Variants in TMEM120B observed in about 807,000 individuals in gnomAD.
TMEM120B encodes the protein transmembrane protein 120B.
Under a neutral mutation model 55.5 loss-of-function variants are expected in TMEM120B, and 31 were observed. The ratio of observed to expected loss-of-function variants is 0.56; its 90% CI spans 0.42 to 0.75. TMEM120B has a LOEUF of 0.75. Ranked by LOEUF, TMEM120B falls within the 30% of genes least tolerant of loss-of-function variation. The pLI, the probability that TMEM120B is intolerant of heterozygous loss-of-function variation, is 0.00. For synonymous variants in TMEM120B, 203 were observed against 176.3 expected (o/e 1.15, Z -1.20); for missense variants, 399 against 425.5 (o/e 0.94, Z 0.55).
rs1166905739 is a variant in TMEM120B at position 121,712,806 on chromosome 12, C to G, written c.-90C>G. ...AACAGCTGGTGCCTCCGAGGGCGGT[C>G]GGCGAGCGCGCGGGCGTGGGGCGCT... On this transcript the variant is annotated 5_prime_UTR_variant, in exon 1 of 12. Transcript: ENST00000449592. 2.0e-6 allele frequency: 2 copies of G among 1,000,094 alleles called. No homozygotes were observed. The highest frequency in any genetic ancestry group is 9.0e-5 in the Admixed American group (2 of 22,250). The allele number at this position is 1,000,094 out of a possible 1,614,324, so 62.0% of individuals were successfully genotyped here.
intron 3 of TMEM120B, among the ~76,000 whole-genome samples, chr12:121,750,133 T>TA (rs2137182411): frequency 6.6e-6 from 1 of 152,140 alleles, no homozygotes; most frequent in Non-Finnish European, 1.5e-5. Context: ...AAGGCAGGCT[T>TA]AGAAATACGG....
Position 121,777,965 on chromosome 12 carries a change from C to G in TMEM120B, c.*2243C>G, listed in dbSNP as rs1038721319. 1 of 152,202 alleles carries G rather than the reference C, an allele frequency of 6.6e-6. No homozygotes were observed. Among genetic ancestry groups the G allele is most frequent in the Non-Finnish European group, 1.5e-5 (1 of 68,068 alleles). The allele number at this position is 152,202 out of a possible 1,614,324, so 9.4% of individuals were successfully genotyped here. On this transcript the variant is annotated 3_prime_UTR_variant, in exon 12 of 12. Transcript: ENST00000449592. ...TCAGAAGGCTCCTTCCTTTGGCAAC[C>G]TGACTTCTTGGAAGCTCAGGTTTAG...
chr12:121,764,660 A>C (rs1415413911), intron 6 of TMEM120B, among the ~76,000 whole-genome samples: 2 of 152,142 alleles, frequency 1.3e-5, no homozygotes, highest in African/African-American at 4.8e-5. Context: ...ACTCAAAAAA[A>C]AAAAAGTGCT....
At chr12:121,745,431 C>T (rs142378553) in intron 2 of TMEM120B, among the ~76,000 whole-genome samples, 10 of 152,276 alleles carry the variant, frequency 6.6e-5, no homozygotes, top group African/African-American at 2.4e-4. Flanking sequence ...CGCTCTGTTG[C>T]CCAGGCTGGG....
chr12:121,775,816 GGA>G lies in TMEM120B; in HGVS notation c.*98_*99del. The G allele has an allele frequency of 7.3e-7, 1 of 1,374,370 alleles. No individual in the cohort carries two copies. Among genetic ancestry groups the G allele is most frequent in the Admixed American group, 1.9e-5 (1 of 52,918 alleles). 85.1% of individuals were successfully genotyped at this position (1,374,370 alleles called of 1,614,324 possible). On this transcript the variant is annotated 3_prime_UTR_variant, in exon 12 of 12. Coordinates refer to ENST00000449592, the MANE Select transcript of TMEM120B (RefSeq NM_001080825.2). The surrounding 1 kb of genome is among the most constrained non-coding windows in gnomAD (Gnocchi z 4.3). ...CCCTCTCAGGCCCGTGGCATCGCTG[GGA>G]GAGGGCCCAGGCCCTGGTCCCCCAG...
chr12:121,740,075 G>A (rs1043855406), intron 1 of TMEM120B, among the ~76,000 whole-genome samples: 3 of 151,806 alleles, frequency 2.0e-5, no homozygotes, highest in Non-Finnish European at 4.4e-5. Context: ...CAACGCGCCC[G>A]GCGACTCCCA....
At chr12:121,720,070 G>C (rs1894767411) in intron 1 of TMEM120B, among the ~76,000 whole-genome samples, 1 of 152,098 alleles carries the variant, frequency 6.6e-6, no homozygotes, top group Non-Finnish European at 1.5e-5. Context: ...TCATCTCCTA[G>C]CTCTTTCACA....
In TMEM120B at chr12:121,775,511, A is replaced by G. The variant is rs924770677; in HGVS notation, c.907-98A>G. 21 of 1,494,200 alleles carry G rather than the reference A, an allele frequency of 1.4e-5. No homozygotes were observed. Among genetic ancestry groups the G allele is most frequent in the Non-Finnish European group, 1.8e-5 (20 of 1,126,032 alleles). The allele number at this position is 1,494,200 out of a possible 1,614,324, so 92.6% of individuals were successfully genotyped here. A position where few individuals can be genotyped will look rare whatever the true frequency, so the allele number is the denominator to read the frequency against. ...CGATGGCAAAACCCTGCAGTTTGGG[A>G]GTTTGGGGGCAGCTGTGCTGGAGAT... On this transcript the variant is annotated intron_variant, in intron 11 of 11. Coordinates refer to ENST00000449592, the MANE Select transcript of TMEM120B (RefSeq NM_001080825.2). The surrounding 1 kb of genome is among the most constrained non-coding windows in gnomAD (Gnocchi z 4.3).
At chr12:121,754,406 C>T (rs1195059695) in intron 5 of TMEM120B, among the ~76,000 whole-genome samples, 2 of 152,216 alleles carry the variant, frequency 1.3e-5, no homozygotes, top group African/African-American at 4.8e-5. Flanking sequence ...TGTTCATCTC[C>T]TAGGGCCACT....
At chr12:121,760,294 C>T (rs1187211493) in intron 5 of TMEM120B, among the ~76,000 whole-genome samples, 1 of 142,036 alleles carries the variant, frequency 7.0e-6, no homozygotes, top group Non-Finnish European at 1.5e-5. Context: ...GACTCTGTCT[C>T]AAAAAAAAAA....
intron 6 of TMEM120B, among the ~76,000 whole-genome samples, chr12:121,763,870 T>C (rs1873762182): frequency 6.6e-6 from 1 of 152,168 alleles, no homozygotes; most frequent in African/African-American, 2.4e-5. Context: ...ATGTGCCACC[T>C]TCCCACTTGT....
intron 5 of TMEM120B, among the ~76,000 whole-genome samples, chr12:121,760,918 G>T (rs1873656735): frequency 6.6e-6 from 1 of 152,084 alleles, no homozygotes; most frequent in South Asian, 2.1e-4. Flanking sequence ...TGCTTTAAGG[G>T]GGCAGAGGGA....
rs1017759700 is a variant in TMEM120B at position 121,780,454 on chromosome 12, T to C, written c.*4732T>C. 2 of 301,560 alleles carry C rather than the reference T, an allele frequency of 6.6e-6. No homozygotes were observed. Among genetic ancestry groups the C allele is most frequent in the East Asian group, 5.8e-5 (1 of 17,238 alleles). The allele number at this position is 301,560 out of a possible 1,614,324, so 18.7% of individuals were successfully genotyped here. On this transcript the variant is annotated 3_prime_UTR_variant, in exon 12 of 12. Coordinates refer to ENST00000449592, the MANE Select transcript of TMEM120B (RefSeq NM_001080825.2). ...ATTCCCCCATGCCTCACCCAAAGAG[T>C]TGCACGGTCAATTGGCCCGTGAAGG...
At chr12:121,771,028 C>G (rs983768847) in intron 7 of TMEM120B, 56 bp downstream of exon 7, 11 of 1,580,422 alleles carry the variant, frequency 7.0e-6, no homozygotes, top group African/African-American at 6.7e-5. Context: ...GCCTGGGGCC[C>G]GGGAATGGGG....
At chr12:121,744,048 C>G (rs1873011400) in intron 2 of TMEM120B, among the ~76,000 whole-genome samples, 1 of 150,806 alleles carries the variant, frequency 6.6e-6, no homozygotes, top group African/African-American at 2.4e-5. Context: ...AGGAGAGTGT[C>G]TCTCTTTTTT....
chr12:121,721,804 CTT>C (rs56702857), intron 1 of TMEM120B, among the ~76,000 whole-genome samples: 8 of 91,848 alleles, frequency 8.7e-5, no homozygotes, highest in East Asian at 3.4e-4. Context: ...ATCAGTTCTA[CTT>C]TTTTTTTTTT....
intron 4 of TMEM120B, among the ~76,000 whole-genome samples, chr12:121,750,798 CACACCCCATACACA>C (rs1324292974): frequency 7.0e-6 from 1 of 141,870 alleles, no homozygotes; most frequent in Non-Finnish European, 1.5e-5. Flanking sequence ...ACCTACACCC[CACACCCCATACACA>C]ACACCCCACA....
At chr12:121,758,185 G>A (rs1181647741) in intron 5 of TMEM120B, 7 of 985,490 alleles carry the variant, frequency 7.1e-6, no homozygotes, top group Non-Finnish European at 8.4e-6. Context: ...CCTCAGAGGG[G>A]CGTCTGTCAC....
chr12:121,716,878 G>T (rs957856778), intron 1 of TMEM120B, among the ~76,000 whole-genome samples: 12 of 151,964 alleles, frequency 7.9e-5, no homozygotes, highest in Non-Finnish European at 1.8e-4. Flanking sequence ...TTTGAATGAA[G>T]GAAAGAAAGA....
Sources: gnomAD v4.1 joint callset for allele counts (sites outside exome capture counted in the v4.1 genomes callset) on GRCh38, gnomAD v4.1.1 for gene constraint, Gnocchi (gnomAD v3.1) non-coding constraint, MANE v1.5 for transcripts, NCBI Gene and HGNC (gene_info 2026-07-23, HGNC 2026-07-21) for gene names.